Variants in TAF3 observed in about 807,000 individuals in gnomAD.
TAF3 encodes transcription initiation factor TFIID subunit 3.
In TAF3, 7 loss-of-function variants were observed where a neutral mutation model predicts 80.6. The ratio of observed to expected loss-of-function variants is 0.09; its 90% CI spans 0.05 to 0.16. The LOEUF is 0.16. Among genes scored for constraint, TAF3 ranks in the 10% least tolerant of loss-of-function variants. The pLI is 1.00. For synonymous variants in TAF3, 444 were observed against 446.1 expected, an observed-to-expected ratio of 1.00 and a Z score of 0.06; for missense variants, 921 against 1,140.2, an observed-to-expected ratio of 0.81 and a Z score of 2.77.
At chr10:7,835,119 G>A (rs142825672) in intron 2 of TAF3, among the ~76,000 whole-genome samples, 3 of 152,204 alleles carry the variant, frequency 2.0e-5, no homozygotes, top group East Asian at 1.9e-4. Flanking sequence ...TAGAACACAG[G>A]TGTCCAATCT....
intron 2 of TAF3, among the ~76,000 whole-genome samples, chr10:7,836,084 C>T (rs945693180): frequency 2.0e-5 from 3 of 152,120 alleles, no homozygotes; most frequent in Non-Finnish European, 4.4e-5. Flanking sequence ...TTCCCTGGCT[C>T]TCCTACTGCT....
chr10:7,965,833 G>T lies in TAF3; in HGVS notation c.2232+91G>T, dbSNP rs1032466705. 48 of 1,386,242 alleles carry T rather than the reference G, an allele frequency of 3.5e-5. No homozygotes were observed. In the African/African-American group the frequency reaches 6.9e-4, roughly 20 times the overall value. 85.9% of individuals were successfully genotyped at this position (1,386,242 alleles called of 1,614,324 possible). A position where few individuals can be genotyped will look rare whatever the true frequency, so the allele number is the denominator to read the frequency against. ...GCCCACAATTATATCTGTATTCTGGGTGTAAATCACCCATCACTTAAGTGG... is the reference window on the plus strand; with the variant it reads ...GCCCACAATTATATCTGTATTCTGGTTGTAAATCACCCATCACTTAAGTGG... On this transcript the variant is annotated intron_variant, in intron 3 of 6. Coordinates refer to ENST00000344293, the MANE Select transcript of TAF3 (RefSeq NM_031923.4).
intron 2 of TAF3, among the ~76,000 whole-genome samples, chr10:7,922,023 T>A (rs1454167249): frequency 1.3e-5 from 2 of 152,080 alleles, no homozygotes; most frequent in East Asian, 3.8e-4. Flanking sequence ...TAGACTTGAA[T>A]TGGAATAGAT....
chr10:7,881,488 CAA>C (rs1198321851), intron 2 of TAF3, among the ~76,000 whole-genome samples: 1 of 132,368 alleles, frequency 7.6e-6, no homozygotes, highest in Non-Finnish European at 1.7e-5. Context: ...CACATACACA[CAA>C]ACACACACAC....
At chr10:7,901,895 G>C (rs1428362029) in intron 2 of TAF3, among the ~76,000 whole-genome samples, 1 of 151,974 alleles carries the variant, frequency 6.6e-6, no homozygotes, top group African/African-American at 2.4e-5. Context: ...TGTTTTGGAA[G>C]GTATATTCCA....
chr10:7,931,101 T>A (rs1268222262), intron 2 of TAF3, among the ~76,000 whole-genome samples: 1 of 152,224 alleles, frequency 6.6e-6, no homozygotes, highest in Non-Finnish European at 1.5e-5. Context: ...GTGTTTTTAA[T>A]TTTTGCTTTA....
At chr10:7,915,367 G>T (rs811195) in intron 2 of TAF3, among the ~76,000 whole-genome samples, 1 of 151,476 alleles carries the variant, frequency 6.6e-6, no homozygotes, top group Non-Finnish European at 1.5e-5. Flanking sequence ...ATCATGGGCC[G>T]GGCGCAGTGG....
intron 2 of TAF3, among the ~76,000 whole-genome samples, chr10:7,889,893 T>G (rs1468965585): frequency 2.0e-5 from 3 of 152,218 alleles, no homozygotes; most frequent in African/African-American, 7.2e-5. Flanking sequence ...ACAGGTCCTG[T>G]TCTCATTTGG....
chr10:7,947,030 G>A (rs959067555), intron 2 of TAF3, among the ~76,000 whole-genome samples: 1 of 152,150 alleles, frequency 6.6e-6, no homozygotes, highest in Non-Finnish European at 1.5e-5. Context: ...CCAAAGTGCT[G>A]GCATTACAGG....
chr10:7,896,004 T>C (rs937098913), intron 2 of TAF3, among the ~76,000 whole-genome samples: 1 of 152,002 alleles, frequency 6.6e-6, no homozygotes, highest in African/African-American at 2.4e-5. Flanking sequence ...TAGTAAAATA[T>C]ATATGAGTAG....
chr10:7,866,080 C>G (rs565733864), intron 2 of TAF3, among the ~76,000 whole-genome samples: 28 of 152,306 alleles, frequency 1.8e-4, no homozygotes, highest in Middle Eastern at 6.8e-3. Context: ...AAAGGAAACA[C>G]TTAATAGCAG....
chr10:7,834,532 AT>A (rs1836832568), intron 2 of TAF3, among the ~76,000 whole-genome samples: 1 of 152,138 alleles, frequency 6.6e-6, no homozygotes, highest in African/African-American at 2.4e-5. Flanking sequence ...CAATAAGTAA[AT>A]AAATATTTAT....
chr10:7,920,515 A>G lies in TAF3; in HGVS notation c.410-43405A>G, dbSNP rs1429239971. Among the ~76,000 whole-genome samples, 6 of 152,226 alleles carry G rather than the reference A, an allele frequency of 3.9e-5. No homozygotes were observed. In the East Asian group the frequency reaches 7.7e-4, roughly 20 times the overall value. ...TGGCCATCTTATTCCAAATAAAGTC[A>G]TGTTGATTTTTGTGTAGCCTATAAT... On this transcript the variant is annotated intron_variant, in intron 2 of 6. Coordinates refer to ENST00000344293, the MANE Select transcript of TAF3 (RefSeq NM_031923.4).
intron 2 of TAF3, among the ~76,000 whole-genome samples, chr10:7,829,423 G>T (rs1027885238): frequency 6.6e-6 from 1 of 152,104 alleles, no homozygotes; most frequent in African/African-American, 2.4e-5. Context: ...ATTGTGTTTG[G>T]TTGTCACGTC....
At position 7,914,092 on chromosome 10, in the gene TAF3, G is replaced by GT. The variant is rs900738054; in HGVS notation, c.410-49819dup. Among the ~76,000 whole-genome samples, 67 of 151,534 alleles carry GT rather than the reference G, an allele frequency of 4.4e-4. 1 individual carries two copies. The highest frequency in any genetic ancestry group is 1.3e-3 in the African/African-American group (52 of 41,314). On this transcript the variant is annotated intron_variant, in intron 2 of 6. Coordinates refer to ENST00000344293, the MANE Select transcript of TAF3 (RefSeq NM_031923.4). Reference sequence around the variant, plus strand: ...GAAACTGACTTTAAAAATGTCGGGAGTTTTTTTTTGCAATTTTTTGAGGAA... The same window carrying GT: ...GAAACTGACTTTAAAAATGTCGGGAGTTTTTTTTTTGCAATTTTTTGAGGAA...
At chr10:7,868,948 A>G (rs184237522) in intron 2 of TAF3, among the ~76,000 whole-genome samples, 2 of 152,284 alleles carry the variant, frequency 1.3e-5, no homozygotes, top group East Asian at 3.9e-4. Flanking sequence ...GTCTGACTCC[A>G]GAATTTATGC....
chr10:7,869,191 TAAAAG>T (rs1837242524), intron 2 of TAF3, among the ~76,000 whole-genome samples: 1 of 152,100 alleles, frequency 6.6e-6, no homozygotes, highest in South Asian at 2.1e-4. Context: ...ACAGATAAGA[TAAAAG>T]AAAGATGTCA....
chr10:7,948,776 T>C (rs1337094778), intron 2 of TAF3, among the ~76,000 whole-genome samples: 1 of 152,256 alleles, frequency 6.6e-6, no homozygotes, highest in Admixed American at 6.5e-5. Context: ...GGTACTGAAC[T>C]AATGTTTATC....
At position 7,964,865 on chromosome 10, in the gene TAF3, C is replaced by G. The variant is rs1361233537; in HGVS notation, c.1355C>G (p.Pro452Arg). The change falls in exon 3 of 7, where the codon CCT becomes CGT. Residue 452 changes from proline to arginine, a missense_variant. This residue lies in a region of TAF3 where 743 missense variants were observed against 821.0 expected (regional missense o/e 0.90). Coordinates refer to ENST00000344293, the MANE Select transcript of TAF3 (RefSeq NM_031923.4). This position sits in a 1 kb window ranked among gnomAD's most constrained non-coding sequence, Gnocchi z 4.1. ...NFTKSGSTPLPLSGGTSSSDN... is the reference protein window; with the variant it reads ...NFTKSGSTPLRLSGGTSSSDN... ...ACAAAGTCAGGATCCACTCCTCTGC[C>G]TCTTTCCGGTGGAACCTCAAGTTCC... 6 of 1,614,102 alleles carry G rather than the reference C, an allele frequency of 3.7e-6. No homozygotes were observed. Among genetic ancestry groups the G allele is most frequent in the Middle Eastern group, 1.6e-4 (1 of 6,082 alleles).
Sources: allele counts gnomAD v4.1 joint callset (sites outside exome capture counted in the v4.1 genomes callset), GRCh38; gene constraint gnomAD v4.1.1; regional missense constraint gnomAD v4.1.1; non-coding constraint Gnocchi (gnomAD v3.1); transcripts MANE v1.5; gene names NCBI Gene and HGNC (gene_info 2026-07-23, HGNC 2026-07-21).